ABRAXAS2: variants seen among roughly 807,000 people sequenced by gnomAD.
ABRAXAS2 encodes the protein abraxas 2, BRISC complex subunit, also known as BRISC complex subunit Abraxas 2.
A neutral mutation model predicts 49.0 loss-of-function variants in ABRAXAS2; 23 were observed. The observed-to-expected ratio is 0.47, with a 90% CI of 0.34 to 0.66. ABRAXAS2 has a LOEUF of 0.66. Among genes scored for constraint, ABRAXAS2 ranks in the 30% least tolerant of loss-of-function variants. The pLI is 0.01. For synonymous variants in ABRAXAS2, 168 were observed against 180.2 expected (o/e 0.93, Z 0.54); for missense variants, 443 against 511.9 (o/e 0.87, Z 1.30).
At chr10:124,807,312 CAAA>C (rs764661303) in intron 2 of ABRAXAS2, among the ~76,000 whole-genome samples, 1 of 34,054 alleles carries the variant, frequency 2.9e-5, no homozygotes. Flanking sequence ...GACTCTGTCT[CAAA>C]AAAAAAAAAA....
intron 2 of ABRAXAS2, among the ~76,000 whole-genome samples, chr10:124,812,996 G>A (rs548259730): frequency 6.6e-6 from 1 of 152,276 alleles, no homozygotes; most frequent in South Asian, 2.1e-4. Flanking sequence ...GAGGTCAGGA[G>A]TTCGAGACCA....
intron 1 of ABRAXAS2, among the ~76,000 whole-genome samples, 174 bp from the exon 2 acceptor site, chr10:124,806,657 G>C (rs1224104728): frequency 6.6e-6 from 1 of 151,814 alleles, no homozygotes; most frequent in African/African-American, 2.4e-5. Flanking sequence ...CCAATTAATA[G>C]ATATACCTCA....
intron 1 of ABRAXAS2, 110 bp from the exon 2 acceptor site, chr10:124,806,721 T>G (rs1043147285): frequency 2.9e-6 from 2 of 687,810 alleles, no homozygotes; most frequent in Admixed American, 6.0e-5. Context: ...ATGGGAAGCT[T>G]GTTTGGATTA....
rs770525694 is a variant in ABRAXAS2 at position 124,828,888 on chromosome 10, G to A, written c.578+13G>A. On this transcript the variant is annotated intron_variant, in intron 6 of 8. Coordinates refer to ENST00000298492, the MANE Select transcript of ABRAXAS2 (RefSeq NM_032182.4). ...TTAAAGAACATGGGTAAGTTGAAAGGTAAAGTGCTAGTTTTTTCTTTTGTC... is the reference window on the plus strand; with the variant it reads ...TTAAAGAACATGGGTAAGTTGAAAGATAAAGTGCTAGTTTTTTCTTTTGTC... The A allele has an allele frequency of 1.2e-6, 2 of 1,610,124 alleles. No individual in the cohort carries two copies. The highest frequency in any genetic ancestry group is 2.7e-5 in the African/African-American group (2 of 74,680).
intron 4 of ABRAXAS2, among the ~76,000 whole-genome samples, chr10:124,822,380 AC>A (rs1374138314): frequency 6.6e-6 from 1 of 152,236 alleles, no homozygotes; most frequent in Non-Finnish European, 1.5e-5. Flanking sequence ...TGCTAGTCAG[AC>A]TTGGGAAAGG....
rs554227950 is a variant in ABRAXAS2, at chr10:124,829,817, G to A, written c.663+340G>A. On this transcript the variant is annotated intron_variant, in intron 7 of 8. Coordinates refer to ENST00000298492, the MANE Select transcript of ABRAXAS2 (RefSeq NM_032182.4). The stretch of plus-strand genomic sequence containing the variant: ...TTCTAAGTAGAGACAATATCAAAAG[G>A]CAGCCATAACTGGTTGCATCTCTGC... Among the ~76,000 whole-genome samples, 19 of 152,278 alleles carry A rather than the reference G, an allele frequency of 1.2e-4. 1 individual carries two copies. The South Asian group carries it at 3.7e-3, about 30-fold the overall frequency.
chr10:124,821,700 G>T (rs1564922607), intron 4 of ABRAXAS2, among the ~76,000 whole-genome samples: 2 of 152,178 alleles, frequency 1.3e-5, no homozygotes, highest in African/African-American at 2.4e-5. Context: ...GAGTAAAAAG[G>T]TTAGTAATAC....
intron 6 of ABRAXAS2, among the ~76,000 whole-genome samples, chr10:124,829,083 A>C (rs540397935): frequency 6.6e-6 from 1 of 152,318 alleles, no homozygotes; most frequent in African/African-American, 2.4e-5. Flanking sequence ...GAATTTTTTA[A>C]ATCATTTGCC....
At chr10:124,831,792 T>TA (rs1056683419) in intron 8 of ABRAXAS2, among the ~76,000 whole-genome samples, 3 of 151,700 alleles carry the variant, frequency 2.0e-5, no homozygotes, top group South Asian at 2.1e-4. Flanking sequence ...TGGTGGTTGT[T>TA]ACTAAGTTAA....
At chr10:124,821,104 G>A (rs190435641) in intron 4 of ABRAXAS2, among the ~76,000 whole-genome samples, 21 of 151,824 alleles carry the variant, frequency 1.4e-4, no homozygotes, top group African/African-American at 5.1e-4. Flanking sequence ...GTACAAACGG[G>A]GTTTTGCCAT....
chr10:124,816,403 T>C (rs1383578679), intron 2 of ABRAXAS2, among the ~76,000 whole-genome samples, 173 bp from the exon 3 acceptor site: 3 of 152,020 alleles, frequency 2.0e-5, no homozygotes, highest in Admixed American at 2.0e-4. Flanking sequence ...ATTCTGAGAG[T>C]GTGTCACTGA....
At chr10:124,823,909 CTGTTTTGTTT>C (rs368839285) in intron 4 of ABRAXAS2, among the ~76,000 whole-genome samples, 8 of 152,090 alleles carry the variant, frequency 5.3e-5, no homozygotes, top group Non-Finnish European at 7.4e-5. Context: ...ACAGGAGAAT[CTGTTTTGTTT>C]TGTTTTGTTT....
In ABRAXAS2 at chr10:124,806,993, G is replaced by C. The variant is rs1377666058; in HGVS notation, c.163+72G>C. ...TACTTAATGTTTGTTTTGTTGTTTT[G>C]CCCTTAACTGATTTTATCCTAAAGA... On this transcript the variant is annotated intron_variant, in intron 2 of 8. Coordinates refer to ENST00000298492, the MANE Select transcript of ABRAXAS2 (RefSeq NM_032182.4). The C allele has an allele frequency of 3.3e-6, 4 of 1,195,160 alleles. No homozygotes were observed. In the Admixed American group the frequency reaches 7.4e-5, roughly 22 times the overall value. 74.0% of individuals were successfully genotyped at this position (1,195,160 alleles called of 1,614,324 possible).
intron 2 of ABRAXAS2, among the ~76,000 whole-genome samples, chr10:124,808,214 C>T (rs1324864858): frequency 6.7e-6 from 1 of 150,330 alleles, no homozygotes; most frequent in African/African-American, 2.5e-5. Context: ...CTTGCTCTGT[C>T]GCCCAGGCTA....
chr10:124,801,988 C>G, intron 1 of ABRAXAS2, 87 bp downstream of exon 1: 4 of 1,381,420 alleles, frequency 2.9e-6, no homozygotes, highest in Non-Finnish European at 4.0e-6. Flanking sequence ...GGACCTCATG[C>G]GGCTCGCCCC....
chr10:124,834,528 CAG>C lies in ABRAXAS2; in HGVS notation c.807_808del (p.Gln269HisfsTer4). On this transcript the variant is annotated frameshift_variant, in exon 9 of 9. Coordinates refer to ENST00000298492, the MANE Select transcript of ABRAXAS2 (RefSeq NM_032182.4). LOFTEE classifies it high-confidence loss of function. The part of the protein sequence containing the change: ...RRLQQAVLSR[Q>X]MPSESLDPAF... ...ATTGCAGCAGGCAGTGTTAAGCAGACAGATGCCGTCTGAAAGCTTGGACCCAG... is the reference window on the plus strand; with the variant it reads ...ATTGCAGCAGGCAGTGTTAAGCAGACATGCCGTCTGAAAGCTTGGACCCAG... 1 of 1,614,040 alleles carries C rather than the reference CAG, an allele frequency of 6.2e-7. No individual in the cohort carries two copies. Among genetic ancestry groups the C allele is most frequent in the Non-Finnish European group, 8.5e-7 (1 of 1,179,968 alleles).
chr10:124,803,907 T>C (rs573968111), intron 1 of ABRAXAS2, among the ~76,000 whole-genome samples: 3 of 152,154 alleles, frequency 2.0e-5, no homozygotes, highest in African/African-American at 7.2e-5. Context: ...TAAAATAACA[T>C]AGAAACCATT....
At chr10:124,804,800 G>A (rs981135694) in intron 1 of ABRAXAS2, among the ~76,000 whole-genome samples, 1 of 146,094 alleles carries the variant, frequency 6.8e-6, no homozygotes, top group Admixed American at 7.1e-5. Flanking sequence ...TGCAACCTCT[G>A]TCTCCTGGGT....
chr10:124,820,542 C>T (rs558845022), intron 4 of ABRAXAS2, among the ~76,000 whole-genome samples: 70 of 152,072 alleles, frequency 4.6e-4, no homozygotes, highest in Admixed American at 1.2e-3. Flanking sequence ...GGTGCAGTGG[C>T]GCGATCTCGG....
Sources: gnomAD v4.1 joint callset for allele counts (sites outside exome capture counted in the v4.1 genomes callset) on GRCh38, gnomAD v4.1.1 for gene constraint, MANE v1.5 for transcripts, NCBI Gene and HGNC (gene_info 2026-07-23, HGNC 2026-07-21) for gene names.